Variants in ADAM22 observed in about 807,000 individuals in gnomAD.
The protein encoded by ADAM22 is ADAM metallopeptidase domain 22, also known as disintegrin and metalloproteinase domain-containing protein 22.
ADAM22 carries 65 observed loss-of-function variants against 144.6 expected under a neutral mutation model. The ratio of observed to expected loss-of-function variants is 0.45; its 90% CI spans 0.37 to 0.55. The LOEUF (loss-of-function observed/expected upper bound fraction) is 0.55, where lower values mean the gene tolerates loss of function less well. Ranked by LOEUF, ADAM22 falls within the 20% of genes least tolerant of loss-of-function variation. The probability of loss-of-function intolerance (pLI) is 0.00; values close to 1 mark genes in which losing one functional copy is unlikely to be tolerated. For synonymous variants in ADAM22, 391 were observed against 412.6 expected, an observed-to-expected ratio of 0.95 and a Z score of 0.63; for missense variants, 974 against 1,184.9, an observed-to-expected ratio of 0.82 and a Z score of 2.61.
At chr7:87,938,182 G>A (rs1584430574) in intron 2 of ADAM22, among the ~76,000 whole-genome samples, 1 of 145,102 alleles carries the variant, frequency 6.9e-6, no homozygotes, top group South Asian at 2.2e-4. Context: ...CTAATTTATG[G>A]CATTTTAATT....
In ADAM22 at chr7:88,116,760, C is replaced by T; in HGVS notation, c.553C>T (p.His185Tyr). Residue 185 changes from histidine (H) to tyrosine (Y), a missense_variant, in exon 7 of 32, where the codon CAT (histidine) becomes TAT (tyrosine). His to Tyr is a moderately conservative substitution (Grantham distance 83). This residue lies in a region of ADAM22 where 734 missense variants were observed against 950.6 expected (regional missense o/e 0.77). Transcript: ENST00000413139. ...NDTTQEDFHF[H>Y]SVYKSRLFEF... is the part of the protein sequence containing the mutation. ...GTCATTTCAGGAGGATTTCCATTTT[C>T]ATTCAGTTTACAAATCCAGACTGTT... The T allele has an allele frequency of 6.2e-7, 1 of 1,613,262 alleles. No homozygotes were observed. Among genetic ancestry groups the T allele is most frequent in the Non-Finnish European group, 8.5e-7 (1 of 1,179,378 alleles).
chr7:88,180,440 T>C (rs886111038), intron 27 of ADAM22, among the ~76,000 whole-genome samples: 9 of 152,114 alleles, frequency 5.9e-5, no homozygotes, highest in Admixed American at 5.2e-4. Flanking sequence ...TAGCAAATGA[T>C]GTTGAGAAAT....
At chr7:88,032,238 C>T (rs750304935) in intron 3 of ADAM22, among the ~76,000 whole-genome samples, 12 of 152,194 alleles carry the variant, frequency 7.9e-5, no homozygotes, top group African/African-American at 1.9e-4. Flanking sequence ...CCTGTGAAAG[C>T]GGCCATTGGG....
chr7:88,015,174 A>C (rs1215408602), intron 3 of ADAM22, among the ~76,000 whole-genome samples: 1 of 152,220 alleles, frequency 6.6e-6, no homozygotes, highest in Non-Finnish European at 1.5e-5. Flanking sequence ...AAAGAACTTT[A>C]ACAACCATTT....
chr7:88,175,510 G>T (rs1175659408), intron 26 of ADAM22, among the ~76,000 whole-genome samples: 2 of 152,248 alleles, frequency 1.3e-5, no homozygotes, highest in East Asian at 3.9e-4. Flanking sequence ...ATTAATGTGG[G>T]GAGAGATACG....
At chr7:88,073,578 A>T (rs976345596) in intron 3 of ADAM22, among the ~76,000 whole-genome samples, 2 of 152,234 alleles carry the variant, frequency 1.3e-5, no homozygotes, top group African/African-American at 4.8e-5. Flanking sequence ...ACTAAATTCC[A>T]ATCCTCAAAT....
rs139306450 is a variant in ADAM22 at position 88,159,119 on chromosome 7, C to T, written c.1907+3113C>T. ...TACAAACAATCATCAGAGACTACTA[C>T]GAACACCTGTGGCACACAAACTAGA... is the stretch of plus-strand genomic sequence containing the variant. On this transcript the variant is annotated intron_variant, in intron 22 of 31. Transcript: ENST00000413139. Among the ~76,000 whole-genome samples, 18 of 152,136 alleles carry T rather than the reference C, an allele frequency of 1.2e-4. No homozygotes were observed. In the East Asian group the frequency reaches 1.9e-3, roughly 16 times the overall value.
At chr7:88,134,684 T>C (rs1832584623) in intron 13 of ADAM22, among the ~76,000 whole-genome samples, 1 of 152,156 alleles carries the variant, frequency 6.6e-6, no homozygotes, top group Non-Finnish European at 1.5e-5. Flanking sequence ...AGGGACAAAA[T>C]TAGCCCAGTT....
Position 88,197,468 on chromosome 7 carries a change from T to A in ADAM22, c.*977T>A, listed in dbSNP as rs1488702192. 1 of 152,180 alleles carries A rather than the reference T, an allele frequency of 6.6e-6. No individual in the cohort carries two copies. The highest frequency in any genetic ancestry group is 1.5e-5 in the Non-Finnish European group (1 of 68,042). 9.4% of individuals were successfully genotyped at this position (152,180 alleles called of 1,614,324 possible). On this transcript the variant is annotated 3_prime_UTR_variant, in exon 32 of 32. Transcript: ENST00000413139. ...TGCTCCCTGGAAATCATCTATCCCATCCGTCCATCCCATCTCATCCCAGTG... is the reference window on the plus strand; with the variant it reads ...TGCTCCCTGGAAATCATCTATCCCAACCGTCCATCCCATCTCATCCCAGTG...
chr7:88,192,245 T>C (rs989776440), intron 30 of ADAM22, among the ~76,000 whole-genome samples: 1 of 152,228 alleles, frequency 6.6e-6, no homozygotes. Flanking sequence ...GGATGTGTAG[T>C]GGTAACGTTT....
At chr7:87,984,008 T>A (rs1291474415) in intron 3 of ADAM22, among the ~76,000 whole-genome samples, 3 of 152,206 alleles carry the variant, frequency 2.0e-5, no homozygotes, top group Non-Finnish European at 2.9e-5. Flanking sequence ...TTCTCGATGC[T>A]GATAATAAAC....
At chr7:88,151,830 A>G (rs1838481751) in intron 20 of ADAM22, among the ~76,000 whole-genome samples, 1 of 152,196 alleles carries the variant, frequency 6.6e-6, no homozygotes, top group Admixed American at 6.6e-5. Context: ...CTGTATCAGA[A>G]AGAAATGTTA....
chr7:88,060,799 C>T (rs28807460), intron 3 of ADAM22, among the ~76,000 whole-genome samples: 3,282 of 147,358 alleles, frequency 0.022, 138 homozygotes, highest in African/African-American at 0.077. Flanking sequence ...CACTTTTTTT[C>T]GCTCATCCAT....
intron 4 of ADAM22, among the ~76,000 whole-genome samples, chr7:88,096,474 G>GT (rs201422229): frequency 0.055 from 8,232 of 149,346 alleles, 258 homozygotes; most frequent in Middle Eastern, 0.091. Context: ...CTGCTACATA[G>GT]TTTTTTTTTG....
chr7:88,186,817 G>A lies in ADAM22; in HGVS notation c.2750+116G>A, dbSNP rs768512530. ...CAATACAAGTTCCTATAGGTGGAAA[G>A]GGGTCCTTGTTTATTTGCTGCCTTT... On this transcript the variant is annotated intron_variant, in intron 30 of 31. Coordinates refer to ENST00000413139, the MANE Select transcript of ADAM22 (RefSeq NM_001324418.2). 5 of 654,712 alleles carry A rather than the reference G, an allele frequency of 7.6e-6. No homozygotes were observed. In the African/African-American group the frequency reaches 9.2e-5, roughly 12 times the overall value. 40.6% of individuals were successfully genotyped at this position (654,712 alleles called of 1,614,324 possible).
Position 88,180,009 on chromosome 7 carries a change from G to A in ADAM22, c.2495+880G>A, listed in dbSNP as rs776625739. On this transcript the variant is annotated intron_variant, in intron 27 of 31. Transcript: ENST00000413139. ...GAAACATGACCTGTTCCGGAGTTCT[G>A]TATAGAGTGGATCATCTGTAAATAT... 3.7e-4 allele frequency among the ~76,000 whole-genome samples: 56 copies of A among 152,032 alleles called. 2 individuals carry two copies. The highest frequency in any genetic ancestry group is 2.9e-4 in the Non-Finnish European group (20 of 67,926).
At chr7:88,082,941 G>C (rs933770366) in intron 4 of ADAM22, among the ~76,000 whole-genome samples, 1 of 152,108 alleles carries the variant, frequency 6.6e-6, no homozygotes, top group Non-Finnish European at 1.5e-5. Context: ...GATTCCTCAG[G>C]GATCTAGAAC....
chr7:88,090,054 A>G (rs1819459362), intron 4 of ADAM22: 1 of 152,236 alleles, frequency 6.6e-6, no homozygotes, highest in African/African-American at 2.4e-5. Context: ...GGGAACATAG[A>G]TTCTTTAACA....
At position 88,033,670 on chromosome 7, in the gene ADAM22, G is replaced by C. The variant is rs553855012; in HGVS notation, c.324-41956G>C. ...TCCCCAGGCTTTGGGTGGGTCCAGA[G>C]ATACCATCTGGAGATCAGGACCTGG... On this transcript the variant is annotated intron_variant, in intron 3 of 31. Transcript: ENST00000413139. Among the ~76,000 whole-genome samples, 9 of 152,358 alleles carry C rather than the reference G, an allele frequency of 5.9e-5. No homozygotes were observed. The South Asian group carries it at 1.9e-3, about 32-fold the overall frequency.
Sources: allele counts gnomAD v4.1 joint callset (sites outside exome capture counted in the v4.1 genomes callset), GRCh38; gene constraint gnomAD v4.1.1; regional missense constraint gnomAD v4.1.1; transcripts MANE v1.5; gene names NCBI Gene and HGNC (gene_info 2026-07-23, HGNC 2026-07-21).